The following CHST8 variants were observed in gnomAD, a reference collection of about 807,000 sequenced individuals.
The protein encoded by CHST8 is carbohydrate sulfotransferase 8.
CHST8 carries 10 observed loss-of-function variants against 15.0 expected under a neutral mutation model. The observed-to-expected ratio is 0.67, with a 90% CI of 0.41 to 1.13. The LOEUF (loss-of-function observed/expected upper bound fraction) is 1.13, where lower values mean the gene tolerates loss of function less well. Among genes scored for constraint, CHST8 ranks in the 50% most tolerant of loss-of-function variants. CHST8 has a pLI of 0.00. For missense variants in CHST8, 634 were observed against 608.2 expected, an observed-to-expected ratio of 1.04 and a Z score of -0.45; for synonymous variants, 259 against 256.6, an observed-to-expected ratio of 1.01 and a Z score of -0.09.
At chr19:33,735,635 TG>T (rs1284282800) in intron 3 of CHST8, among the ~76,000 whole-genome samples, 8 of 152,226 alleles carry the variant, frequency 5.3e-5, no homozygotes, top group Admixed American at 5.2e-4. Context: ...AAGACCAGCC[TG>T]ACCAACATGG....
chr19:33,664,184 A>T lies in CHST8; in HGVS notation c.-163-3583A>T, dbSNP rs1027903561. Among the ~76,000 whole-genome samples, 3 of 152,132 alleles carry T rather than the reference A, an allele frequency of 2.0e-5. No homozygotes were observed. The South Asian group carries it at 6.2e-4, about 32-fold the overall frequency. On this transcript the variant is annotated intron_variant, in intron 1 of 4. Transcript: ENST00000650847. ...TTGAAGTTTTTTCCTGTGAGAATGC[A>T]TTCCTGTGTACTTGTGTAATTTAAA...
intron 3 of CHST8, among the ~76,000 whole-genome samples, chr19:33,757,569 A>G (rs182822432): frequency 2.1e-5 from 3 of 140,332 alleles, no homozygotes; most frequent in Non-Finnish European, 4.6e-5. Context: ...AGAAAGAAAG[A>G]AAGAAAGAAA....
intron 1 of CHST8, among the ~76,000 whole-genome samples, chr19:33,659,809 T>A (rs765176572): frequency 6.6e-6 from 1 of 150,542 alleles, no homozygotes; most frequent in African/African-American, 2.4e-5. Context: ...AGACCCTGTT[T>A]AAAAAAAAAA....
intron 3 of CHST8, among the ~76,000 whole-genome samples, chr19:33,767,169 G>T (rs1490848201): frequency 6.6e-6 from 1 of 152,036 alleles, no homozygotes; most frequent in African/African-American, 2.4e-5. Context: ...GGCTGGGGGA[G>T]GCCAAGGGCT....
rs1289454866 is a variant in CHST8 at position 33,772,081 on chromosome 19, C to T, written c.293C>T (p.Pro98Leu). Residue 98 changes from proline to leucine, a missense_variant, in exon 5 of 5, where the codon CCG becomes CTG. Coordinates refer to ENST00000650847, the MANE Select transcript of CHST8 (RefSeq NM_001127895.2). ...CCAGCGCCTGACCAGCCTCAACCCC[C>T]GCTGCAGAGGGGAACCCGTCTGCGG... is the stretch of plus-strand genomic sequence containing the variant. ...NLPAPDQPQPPLQRGTRLRLR... is the reference protein window; with the variant it reads ...NLPAPDQPQPLLQRGTRLRLR... 10 of 1,612,308 alleles carry T rather than the reference C, an allele frequency of 6.2e-6. No homozygotes were observed. The African/African-American group carries it at 9.3e-5, about 15-fold the overall frequency.
chr19:33,757,506 GAAAGAAAGAAAGAAAGAGAAAGAA>G, intron 3 of CHST8, among the ~76,000 whole-genome samples: 1 of 47,064 alleles, frequency 2.1e-5, no homozygotes, highest in South Asian at 6.5e-4. Flanking sequence ...AAGAAAGAAA[GAAAGAAAGAAAGAAAGAGAAAGAA>G]AGAAAGAAAG....
chr19:33,632,017 G>T lies in CHST8; in HGVS notation c.-164+9721G>T, dbSNP rs1972128300. On this transcript the variant is annotated intron_variant, in intron 1 of 4. Coordinates refer to ENST00000650847, the MANE Select transcript of CHST8 (RefSeq NM_001127895.2). ...TTACTACTCCCGTTTTATCTTGGGT[G>T]TCAGGAAGCATATTGGTCAAGGGCC... Among the ~76,000 whole-genome samples, 3 of 152,218 alleles carry T rather than the reference G, an allele frequency of 2.0e-5. No individual in the cohort carries two copies. The South Asian group carries it at 6.2e-4, about 32-fold the overall frequency.
chr19:33,692,719 A>G (rs139821917), intron 3 of CHST8, among the ~76,000 whole-genome samples: 6 of 152,178 alleles, frequency 3.9e-5, no homozygotes, highest in African/African-American at 7.2e-5. Context: ...AAAATTCCCA[A>G]TGTACTGGCT....
At chr19:33,758,117 T>C (rs1974640540) in intron 3 of CHST8, among the ~76,000 whole-genome samples, 1 of 148,416 alleles carries the variant, frequency 6.7e-6, no homozygotes, top group African/African-American at 2.5e-5. Flanking sequence ...AGAGTCTCTG[T>C]TCTGTTCTGG....
chr19:33,682,898 G>A (rs887141734), intron 2 of CHST8, among the ~76,000 whole-genome samples: 18 of 152,206 alleles, frequency 1.2e-4, no homozygotes, highest in African/African-American at 4.1e-4. Flanking sequence ...TTCGCTTGTG[G>A]TTCTGCAGGC....
intron 2 of CHST8, among the ~76,000 whole-genome samples, chr19:33,688,464 A>G (rs1973028907): frequency 2.0e-5 from 3 of 152,174 alleles, no homozygotes; most frequent in African/African-American, 7.2e-5. Flanking sequence ...ACACAGGTCT[A>G]GCTGCCCCAC....
intron 1 of CHST8, among the ~76,000 whole-genome samples, chr19:33,658,263 T>G (rs1972539322): frequency 6.6e-6 from 1 of 152,108 alleles, no homozygotes; most frequent in Non-Finnish European, 1.5e-5. Flanking sequence ...TTACTTGAAC[T>G]CGGGAGGCGG....
intron 3 of CHST8, among the ~76,000 whole-genome samples, chr19:33,735,956 C>T (rs989542237): frequency 3.3e-5 from 5 of 152,250 alleles, no homozygotes; most frequent in African/African-American, 1.2e-4. Context: ...AGGCACCACC[C>T]GCCACCTGGC....
chr19:33,747,121 C>T (rs553225794), intron 3 of CHST8, among the ~76,000 whole-genome samples: 5 of 152,246 alleles, frequency 3.3e-5, no homozygotes, highest in Admixed American at 3.3e-4. Flanking sequence ...AGGGAATGGC[C>T]TGTAAATATG....
chr19:33,680,392 G>A (rs1479282876), intron 2 of CHST8, among the ~76,000 whole-genome samples: 1 of 152,214 alleles, frequency 6.6e-6, no homozygotes, highest in South Asian at 2.1e-4. Flanking sequence ...AGCAAGGCAA[G>A]TGGCCCTGAA....
At chr19:33,765,281 A>T (rs11882140) in intron 3 of CHST8, among the ~76,000 whole-genome samples, 3,345 of 152,034 alleles carry the variant, frequency 0.022, 50 homozygotes, top group Middle Eastern at 0.065. Context: ...AGGAAGCATC[A>T]GCCCGTACCC....
intron 3 of CHST8, among the ~76,000 whole-genome samples, chr19:33,690,937 G>C (rs1398870415): frequency 6.6e-6 from 1 of 152,346 alleles, no homozygotes; most frequent in African/African-American, 2.4e-5. Flanking sequence ...GTGCGTGGTT[G>C]GGGGTGCATG....
chr19:33,754,771 G>A (rs1974512526), intron 3 of CHST8, among the ~76,000 whole-genome samples: 1 of 152,234 alleles, frequency 6.6e-6, no homozygotes, highest in Admixed American at 6.5e-5. Flanking sequence ...GGAGAGCAAG[G>A]CTACCAGTTT....
intron 3 of CHST8, among the ~76,000 whole-genome samples, chr19:33,730,786 C>T (rs1194734898): frequency 6.6e-6 from 1 of 152,146 alleles, no homozygotes; most frequent in Non-Finnish European, 1.5e-5. Context: ...GCAAGGAAGC[C>T]AGTCTGAGTC....
Sources: allele counts gnomAD v4.1 joint callset (sites outside exome capture counted in the v4.1 genomes callset), GRCh38; gene constraint gnomAD v4.1.1; transcripts MANE v1.5; gene names NCBI Gene and HGNC (gene_info 2026-07-23, HGNC 2026-07-21).